Variants in RORA observed in about 807,000 individuals in gnomAD.
RORA encodes the protein nuclear receptor ROR-alpha.
In RORA, 7 loss-of-function variants were observed where a neutral mutation model predicts 69.5. The observed-to-expected ratio is 0.10, with a 90% CI of 0.06 to 0.19. The LOEUF (loss-of-function observed/expected upper bound fraction) is 0.19. RORA is among the 10% of genes least tolerant of loss of function. The pLI is 1.00. For synonymous variants in RORA, 261 were observed against 240.8 expected, an observed-to-expected ratio of 1.08 and a Z score of -0.78; for missense variants, 457 against 663.0, an observed-to-expected ratio of 0.69 and a Z score of 3.41.
chr15:60,597,594 A>AAG (rs2068715592), intron 2 of RORA, among the ~76,000 whole-genome samples: 3 of 21,042 alleles, frequency 1.4e-4, no homozygotes, highest in African/African-American at 3.2e-4. Flanking sequence ...ATATATATAT[A>AAG]CACATATATA....
intron 1 of RORA, among the ~76,000 whole-genome samples, chr15:60,857,292 T>C (rs72750654): frequency 0.13 from 19,015 of 151,882 alleles, 1,325 homozygotes; most frequent in Admixed American, 0.22. Flanking sequence ...AGAGAAACAA[T>C]GAACAGAGAT....
At chr15:61,135,163 A>G (rs1486606455) in intron 1 of RORA, among the ~76,000 whole-genome samples, 1 of 151,030 alleles carries the variant, frequency 6.6e-6, no homozygotes, top group Non-Finnish European at 1.5e-5. Context: ...AAAAAAAAAA[A>G]AAAAAAAATC....
At chr15:60,847,699 G>A (rs537107876) in intron 1 of RORA, 107 of 152,000 alleles carry the variant, frequency 7.0e-4, no homozygotes, top group African/African-American at 2.5e-3. Flanking sequence ...ATAAAATATC[G>A]TATTAATAAG....
intron 1 of RORA, among the ~76,000 whole-genome samples, chr15:61,198,630 AT>A (rs10711171): frequency 0.97 from 145,445 of 150,530 alleles, 70,454 homozygotes; most frequent in East Asian, 1. Flanking sequence ...TGAAATAATT[AT>A]TTATTTGAGT....
At chr15:60,801,372 T>C (rs796998371) in intron 1 of RORA, among the ~76,000 whole-genome samples, 3 of 152,316 alleles carry the variant, frequency 2.0e-5, no homozygotes, top group African/African-American at 7.2e-5. Flanking sequence ...TGCCTTCATT[T>C]GTTTTAATAA....
chr15:60,690,287 C>A (rs2070804756), intron 1 of RORA, among the ~76,000 whole-genome samples: 1 of 152,234 alleles, frequency 6.6e-6, no homozygotes, highest in South Asian at 2.1e-4. Context: ...AGACTAGATT[C>A]TTACCAAGAC....
At chr15:61,183,181 T>C (rs914713214) in intron 1 of RORA, 10 of 152,258 alleles carry the variant, frequency 6.6e-5, no homozygotes, top group African/African-American at 2.4e-4. Flanking sequence ...GTGAGGAGTA[T>C]GCAGGAGTTG....
intron 1 of RORA, among the ~76,000 whole-genome samples, chr15:60,898,536 TAAA>T (rs1891296193): frequency 1.3e-5 from 2 of 150,838 alleles, no homozygotes; most frequent in Non-Finnish European, 3.0e-5. Context: ...AATAAATAAA[TAAA>T]TAAATTTAAA....
chr15:61,033,633 T>C (rs1178553870), intron 1 of RORA, among the ~76,000 whole-genome samples: 1 of 152,210 alleles, frequency 6.6e-6, no homozygotes, highest in Non-Finnish European at 1.5e-5. Context: ...ATTATTTACT[T>C]GCTATGGTGT....
At chr15:61,202,692 A>C (rs1000296513) in intron 1 of RORA, among the ~76,000 whole-genome samples, 3 of 152,120 alleles carry the variant, frequency 2.0e-5, no homozygotes, top group Non-Finnish European at 2.9e-5. Context: ...TCATGTAAGA[A>C]AGACTAGAAA....
intron 1 of RORA, among the ~76,000 whole-genome samples, chr15:61,142,178 T>A (rs1023051791): frequency 1.3e-5 from 2 of 152,116 alleles, no homozygotes; most frequent in Admixed American, 6.5e-5. Context: ...ACCCTGAATA[T>A]CTCTAGGATT....
At chr15:60,780,867 G>A (rs888274515) in intron 1 of RORA, among the ~76,000 whole-genome samples, 3 of 152,156 alleles carry the variant, frequency 2.0e-5, no homozygotes, top group Non-Finnish European at 4.4e-5. Context: ...CAACCAAAGA[G>A]AAAAAGCACT....
At chr15:60,690,461 C>T (rs1236740146) in intron 1 of RORA, among the ~76,000 whole-genome samples, 1 of 152,158 alleles carries the variant, frequency 6.6e-6, no homozygotes, top group Non-Finnish European at 1.5e-5. Flanking sequence ...GAGAGAGCAC[C>T]CAGACAGGAC....
intron 1 of RORA, among the ~76,000 whole-genome samples, chr15:61,040,137 T>G (rs1394508280): frequency 9.5e-5 from 11 of 115,264 alleles, no homozygotes; most frequent in East Asian, 3.0e-4. Flanking sequence ...TATATATATA[T>G]ATATATATAT....
intron 2 of RORA, among the ~76,000 whole-genome samples, chr15:60,658,562 G>A (rs1347832394): frequency 6.6e-6 from 1 of 152,218 alleles, no homozygotes; most frequent in East Asian, 1.9e-4. Context: ...CCTTCTGTAT[G>A]TATTTCTGTT....
intron 2 of RORA, among the ~76,000 whole-genome samples, chr15:60,676,791 G>A (rs774907352): frequency 6.6e-6 from 1 of 152,142 alleles, no homozygotes; most frequent in Non-Finnish European, 1.5e-5. Context: ...GTCCCTCCAT[G>A]AATTTAAACT....
At position 61,100,568 on chromosome 15, in the gene RORA, G is replaced by A. The variant is rs60751790; in HGVS notation, c.166+128485C>T. Reference sequence around the variant, plus strand: ...TCTGTGGCTAGAGAGGTCTCACTGTGTTGTCCAGGGGTGTCTGTGGCTAGA... The same window carrying A: ...TCTGTGGCTAGAGAGGTCTCACTGTATTGTCCAGGGGTGTCTGTGGCTAGA... On this transcript the variant is annotated intron_variant, in intron 1 of 10. Transcript: ENST00000335670. Among the ~76,000 whole-genome samples, 645 of 152,290 alleles carry A rather than the reference G, an allele frequency of 4.2e-3. 5 individuals are homozygous for A. The highest frequency in any genetic ancestry group is 0.02 in the Middle Eastern group (6 of 294).
intron 1 of RORA, among the ~76,000 whole-genome samples, chr15:60,838,479 T>C (rs2073148687): frequency 6.6e-6 from 1 of 152,198 alleles, no homozygotes; most frequent in Non-Finnish European, 1.5e-5. Context: ...GGCCAGCCTC[T>C]GTGGTGCAGG....
intron 1 of RORA, among the ~76,000 whole-genome samples, chr15:61,206,915 A>G (rs1439216652): frequency 2.0e-5 from 3 of 152,212 alleles, no homozygotes; most frequent in African/African-American, 4.8e-5. Context: ...GTGATGCTCT[A>G]AAGGATCACT....
Sources: gnomAD v4.1 joint callset for allele counts (sites outside exome capture counted in the v4.1 genomes callset) on GRCh38, gnomAD v4.1.1 for gene constraint, MANE v1.5 for transcripts, NCBI Gene and HGNC (gene_info 2026-07-23, HGNC 2026-07-21) for gene names.